The following CNTN5 variants were observed in gnomAD, a reference collection of about 807,000 sequenced individuals.
The protein encoded by CNTN5 is contactin 5.
Under a neutral mutation model 129.1 loss-of-function variants are expected in CNTN5, and 77 were observed. That is an observed-to-expected ratio of 0.60 (90% confidence interval 0.50 to 0.72). The LOEUF (loss-of-function observed/expected upper bound fraction) is 0.72, where lower values mean the gene tolerates loss of function less well. Ranked by LOEUF, CNTN5 falls within the 30% of genes least tolerant of loss-of-function variation. CNTN5 has a pLI of 0.00. For missense variants in CNTN5, 1,478 were observed against 1,328.8 expected (o/e 1.11, Z -1.75); for synonymous variants, 509 against 465.6 (o/e 1.09, Z -1.20).
chr11:99,247,453 TTTA>T lies in CNTN5; in HGVS notation c.-209-77870_-209-77868del, dbSNP rs111433002. Among the ~76,000 whole-genome samples the T allele has an allele frequency of 8.0e-3, 1,205 of 150,402 alleles. 18 individuals carry two copies. Among genetic ancestry groups the T allele is most frequent in the African/African-American group, 0.027 (1,116 of 41,124 alleles). ...CCTTTGTAAGCCCTGCTACATTTCT[TTTA>T]TTATTATTATTATTATTATTATACT... On this transcript the variant is annotated intron_variant, in intron 1 of 24. Coordinates refer to ENST00000524871, the MANE Select transcript of CNTN5 (RefSeq NM_014361.4).
At chr11:99,601,784 G>C (rs866356303) in intron 3 of CNTN5, among the ~76,000 whole-genome samples, 1 of 152,072 alleles carries the variant, frequency 6.6e-6, no homozygotes, top group Admixed American at 6.5e-5. Context: ...CCTGCTTTCT[G>C]AGCCAGCCAC....
At chr11:99,695,748 G>A (rs528078536) in intron 3 of CNTN5, among the ~76,000 whole-genome samples, 1 of 151,634 alleles carries the variant, frequency 6.6e-6, no homozygotes, top group East Asian at 1.9e-4. Context: ...TAGAAAGAAA[G>A]CGAAAAAATA....
chr11:100,157,757 CAT>C (rs1380866167), intron 13 of CNTN5, among the ~76,000 whole-genome samples: 2 of 151,666 alleles, frequency 1.3e-5, no homozygotes, highest in African/African-American at 4.8e-5. Context: ...CTTGCAAACA[CAT>C]GTTATAGAAT....
At chr11:99,267,927 C>CAG (rs1862983994) in intron 1 of CNTN5, among the ~76,000 whole-genome samples, 1 of 124,594 alleles carries the variant, frequency 8.0e-6, no homozygotes, top group Admixed American at 8.4e-5. Flanking sequence ...CACGCACACA[C>CAG]ACACACACAC....
intron 2 of CNTN5, among the ~76,000 whole-genome samples, chr11:99,360,950 C>T (rs960343664): frequency 3.9e-5 from 6 of 152,132 alleles, no homozygotes; most frequent in African/African-American, 1.4e-4. Flanking sequence ...CCATCTTCAA[C>T]ATTTTGCTTA....
chr11:100,303,415 G>T (rs1189344340), intron 20 of CNTN5, among the ~76,000 whole-genome samples: 1 of 151,360 alleles, frequency 6.6e-6, no homozygotes, highest in African/African-American at 2.4e-5. Flanking sequence ...AAGAAATAAT[G>T]AATACTCAAA....
chr11:100,109,447 A>C (rs940447703), intron 13 of CNTN5, among the ~76,000 whole-genome samples: 6 of 152,042 alleles, frequency 3.9e-5, no homozygotes. Flanking sequence ...AACAAAACAA[A>C]ATCCCCCAAA....
chr11:99,756,859 T>A (rs1362288662), intron 3 of CNTN5, among the ~76,000 whole-genome samples: 2 of 151,646 alleles, frequency 1.3e-5, no homozygotes, highest in Non-Finnish European at 2.9e-5. Context: ...GAAATAACTT[T>A]TAAAAAATTC....
At chr11:99,280,953 A>T (rs985794801) in intron 1 of CNTN5, among the ~76,000 whole-genome samples, 54 of 150,564 alleles carry the variant, frequency 3.6e-4, no homozygotes, top group African/African-American at 1.3e-3. Flanking sequence ...AAATAAAAAG[A>T]GACTTGCAGA....
intron 6 of CNTN5, among the ~76,000 whole-genome samples, chr11:99,885,829 G>T (rs1479676770): frequency 1.3e-5 from 2 of 152,032 alleles, no homozygotes; most frequent in African/African-American, 4.8e-5. Flanking sequence ...AATACATTTG[G>T]CAATGAAATT....
chr11:99,041,119 A>G (rs1331436613), intron 1 of CNTN5, among the ~76,000 whole-genome samples: 1 of 152,136 alleles, frequency 6.6e-6, no homozygotes, highest in Non-Finnish European at 1.5e-5. Context: ...TTTTCAGTAC[A>G]TTAACTTATG....
chr11:99,843,336 C>T (rs1022927395), intron 4 of CNTN5, among the ~76,000 whole-genome samples: 1 of 152,076 alleles, frequency 6.6e-6, no homozygotes, highest in African/African-American at 2.4e-5. Flanking sequence ...ACTGTGAAAA[C>T]TTTTGTTTTA....
At chr11:99,320,068 C>T (rs1021538788) in intron 1 of CNTN5, among the ~76,000 whole-genome samples, 6 of 151,966 alleles carry the variant, frequency 3.9e-5, no homozygotes, top group African/African-American at 7.3e-5. Context: ...AGTGAAACAC[C>T]GTCTCTACTG....
chr11:99,337,112 C>T (rs1286561383), intron 2 of CNTN5, among the ~76,000 whole-genome samples: 3 of 152,076 alleles, frequency 2.0e-5, no homozygotes, highest in Admixed American at 6.5e-5. Flanking sequence ...AGGGACAGTC[C>T]GTTCAATTTT....
chr11:99,440,621 G>A (rs1421582041), intron 2 of CNTN5, among the ~76,000 whole-genome samples: 7 of 151,964 alleles, frequency 4.6e-5, no homozygotes, highest in African/African-American at 1.7e-4. Context: ...TGATGACTTT[G>A]TCCATAGCCT....
At chr11:99,161,697 C>A (rs2135515477) in intron 1 of CNTN5, among the ~76,000 whole-genome samples, 1 of 152,176 alleles carries the variant, frequency 6.6e-6, no homozygotes, top group African/African-American at 2.4e-5. Flanking sequence ...AGCCATTTTC[C>A]CCAGGCTTCT....
intron 1 of CNTN5, among the ~76,000 whole-genome samples, chr11:99,222,759 C>A (rs1027534045): frequency 6.6e-6 from 1 of 152,014 alleles, no homozygotes; most frequent in Non-Finnish European, 1.5e-5. Context: ...GGAAAAATTA[C>A]TTCTGTGTTT....
At chr11:99,082,491 A>T (rs1252378028) in intron 1 of CNTN5, among the ~76,000 whole-genome samples, 3 of 152,162 alleles carry the variant, frequency 2.0e-5, no homozygotes, top group South Asian at 2.1e-4. Flanking sequence ...CCAAAAACAG[A>T]TATTTAAAAT....
chr11:99,472,634 A>G (rs1156552673), intron 2 of CNTN5, among the ~76,000 whole-genome samples: 1 of 152,138 alleles, frequency 6.6e-6, no homozygotes, highest in Non-Finnish European at 1.5e-5. Flanking sequence ...TTGGAAATGG[A>G]AACATACATG....
Sources: gnomAD v4.1 joint callset for allele counts (sites outside exome capture counted in the v4.1 genomes callset) on GRCh38, gnomAD v4.1.1 for gene constraint, MANE v1.5 for transcripts, NCBI Gene and HGNC (gene_info 2026-07-23, HGNC 2026-07-21) for gene names.